The following MPC2 variants were observed in gnomAD, a reference collection of about 807,000 sequenced individuals.
MPC2 encodes the protein mitochondrial pyruvate carrier 2.
MPC2 carries 19 observed loss-of-function variants against 19.2 expected under a neutral mutation model. The ratio of observed to expected loss-of-function variants is 0.99; its 90% CI spans 0.69 to 1.45. MPC2 has a LOEUF of 1.45. MPC2 is among the 40% of genes most tolerant of loss of function. The pLI is 0.00. For missense variants in MPC2, 122 were observed against 153.0 expected (o/e 0.80, Z 1.07); for synonymous variants, 61 against 54.3 (o/e 1.12, Z -0.54).
chr1:167,918,028 G>A lies in MPC2; in HGVS notation c.*295C>T, dbSNP rs1670504806. On this transcript the variant is annotated 3_prime_UTR_variant, in exon 6 of 6. Coordinates refer to ENST00000271373, the MANE Select transcript of MPC2 (RefSeq NM_001143674.4). ...TTCTTGAATTTGTGTGTTCTTTTAT[G>A]TACATATGTTGGCTGACTGGAACAG... 4 of 252,532 alleles carry A rather than the reference G, an allele frequency of 1.6e-5. No homozygotes were observed. The highest frequency in any genetic ancestry group is 1.6e-4 in the East Asian group (2 of 12,782). The allele number at this position is 252,532 out of a possible 1,614,324, so 15.6% of individuals were successfully genotyped here.
At chr1:167,925,873 A>G (rs1670745245) in intron 2 of MPC2, among the ~76,000 whole-genome samples, 1 of 152,232 alleles carries the variant, frequency 6.6e-6, no homozygotes, top group East Asian at 1.9e-4. Context: ...GTACTTTAAA[A>G]TCATAAGTTG....
chr1:167,930,537 T>G (rs1277850512), intron 2 of MPC2, among the ~76,000 whole-genome samples: 1 of 152,244 alleles, frequency 6.6e-6, no homozygotes, highest in African/African-American at 2.4e-5. Context: ...TCCTGAAGGT[T>G]CTGAATGTAA....
Position 167,920,089 on chromosome 1 carries a change from C to A in MPC2, c.237G>T (p.Gly79=). The change falls in exon 5 of 6, where the codon GGG becomes GGT. Residue 79 remains glycine, a splice_region_variant and synonymous_variant. Coordinates refer to ENST00000271373, the MANE Select transcript of MPC2 (RefSeq NM_001143674.4). ...CAAGTGAGTATCTTGACCAAATAAA[C>A]CCTGTTGAAACAAAATGTTACTTTA... The part of the protein sequence containing the change: ...TAQSAVLMAT[G]FIWSRYSLVI... The A allele has an allele frequency of 6.3e-7, 1 of 1,594,890 alleles. No homozygotes were observed. The highest frequency in any genetic ancestry group is 8.6e-7 in the Non-Finnish European group (1 of 1,166,766).
intron 2 of MPC2, among the ~76,000 whole-genome samples, chr1:167,925,546 G>GT (rs1557854280): frequency 7.9e-5 from 8 of 101,826 alleles, no homozygotes; most frequent in Admixed American, 2.1e-4. Context: ...TTTTTTTTTG[G>GT]TTTTTTTTGT....
chr1:167,925,707 C>T (rs947072476), intron 2 of MPC2, among the ~76,000 whole-genome samples: 4 of 151,336 alleles, frequency 2.6e-5, no homozygotes, highest in Admixed American at 6.6e-5. Flanking sequence ...CCACCACACC[C>T]GGCTAATTTT....
chr1:167,936,667 A>C, intron 1 of MPC2: 1 of 444,366 alleles, frequency 2.3e-6, no homozygotes. Context: ...GAGGGAGGAG[A>C]CTGTTGCTGA....
At chr1:167,923,834 G>T (rs1670664314) in intron 3 of MPC2, among the ~76,000 whole-genome samples, 1 of 152,090 alleles carries the variant, frequency 6.6e-6, no homozygotes, top group South Asian at 2.1e-4. Context: ...CTGTGATGGG[G>T]CCTAACAAGT....
At chr1:167,918,934 G>A (rs1236420381) in intron 5 of MPC2, among the ~76,000 whole-genome samples, 2 of 151,980 alleles carry the variant, frequency 1.3e-5, no homozygotes, top group East Asian at 3.9e-4. Flanking sequence ...ATAGTTTCCT[G>A]TGCAAAAGTA....
At chr1:167,936,102 C>A (rs1345614050) in intron 1 of MPC2, 2 of 543,940 alleles carry the variant, frequency 3.7e-6, no homozygotes, top group Non-Finnish European at 6.7e-6. Context: ...AGGGAGGAGC[C>A]ATGGCAACAG....
intron 2 of MPC2, among the ~76,000 whole-genome samples, chr1:167,925,504 T>C (rs372465656): frequency 9.9e-5 from 14 of 141,936 alleles, no homozygotes; most frequent in East Asian, 4.1e-4. Context: ...CATATATATA[T>C]ACACATACAA....
In MPC2 at chr1:167,918,164, T is replaced by A; in HGVS notation, c.*159A>T. On this transcript the variant is annotated 3_prime_UTR_variant, in exon 6 of 6. Coordinates refer to ENST00000271373, the MANE Select transcript of MPC2 (RefSeq NM_001143674.4). The stretch of plus-strand genomic sequence containing the variant: ...CTTAAGTCATGTAGAGAGACTGTTA[T>A]TAAAAGTTTGCTGCATTTTTCTATT... 1 of 562,238 alleles carries A rather than the reference T, an allele frequency of 1.8e-6. No homozygotes were observed. Among genetic ancestry groups the A allele is most frequent in the South Asian group, 2.5e-5 (1 of 39,358 alleles). The allele number at this position is 562,238 out of a possible 1,614,324, so 34.8% of individuals were successfully genotyped here.
Position 167,920,032 on chromosome 1 carries a change from A to T in MPC2, c.294T>A (p.Ala98=), listed in dbSNP as rs1204628754. 6.2e-7 allele frequency: 1 copy of T among 1,613,804 alleles called. No individual in the cohort carries two copies. The highest frequency in any genetic ancestry group is 1.7e-5 in the Admixed American group (1 of 59,962). Residue 98 remains alanine (A), a synonymous_variant, in exon 5 of 6, where the codon GCT becomes GCA. Transcript: ENST00000271373. ...CTGCTGCCCCCACAAAGAAATTAAC[A>T]GCAAACAGACTCCAATTTTTTGGAA... The part of the protein sequence containing the change: ...VIIPKNWSLF[A]VNFFVGAAGA...
At chr1:167,924,070 T>G (rs1670671045) in intron 3 of MPC2, among the ~76,000 whole-genome samples, 1 of 152,236 alleles carries the variant, frequency 6.6e-6, no homozygotes, top group Admixed American at 6.5e-5. Flanking sequence ...CAAATGCTAA[T>G]ATTTATATTC....
chr1:167,923,750 T>C (rs6427116), intron 3 of MPC2, among the ~76,000 whole-genome samples: 22,431 of 151,322 alleles, frequency 0.15, 2,236 homozygotes, highest in African/African-American at 0.28. Context: ...TAGAGGGCAT[T>C]AGAGAATCAT....
intron 2 of MPC2, among the ~76,000 whole-genome samples, chr1:167,925,217 A>G (rs1670702997): frequency 6.6e-6 from 1 of 151,930 alleles, no homozygotes; most frequent in South Asian, 2.1e-4. Context: ...TACATTTTAC[A>G]TATTTTACTC....
intron 2 of MPC2, among the ~76,000 whole-genome samples, chr1:167,927,169 T>G (rs1670783851): frequency 6.6e-6 from 1 of 152,228 alleles, no homozygotes; most frequent in South Asian, 2.1e-4. Flanking sequence ...CACTGCTTCA[T>G]CCTCAAGGCT....
At position 167,935,621 on chromosome 1, in the gene MPC2, G is replaced by A. The variant is rs1671107426; in HGVS notation, c.109+112C>T. 6.2e-6 allele frequency: 5 copies of A among 810,686 alleles called. No individual in the cohort carries two copies. The South Asian group carries it at 7.8e-5, about 13-fold the overall frequency. The allele number at this position is 810,686 out of a possible 1,614,324, so 50.2% of individuals were successfully genotyped here. A position where few individuals can be genotyped will look rare whatever the true frequency, so the allele number is the denominator to read the frequency against. On this transcript the variant is annotated intron_variant, in intron 2 of 5. Transcript: ENST00000271373. ...GTAGACGGCTTCACTTGAAGGGAAG[G>A]GATTGGGGCTGTGGATGCCTCTAGA...
Position 167,935,774 on chromosome 1 carries a change from A to C in MPC2, c.68T>G (p.Met23Arg). The change falls in exon 2 of 6, where the codon ATG becomes AGG. Residue 23 changes from methionine to arginine, a missense_variant. Met to Arg is a moderately conservative substitution (Grantham distance 91). Coordinates refer to ENST00000271373, the MANE Select transcript of MPC2 (RefSeq NM_001143674.4). ...CAACGGCCTCAATTTCTCGGGCAGC[A>C]TCAGCTCCACTTTATCGAGGAGCCG... ...YHRLLDKVEL[M>R]LPEKLRPLYN... 1 of 1,565,358 alleles carries C rather than the reference A, an allele frequency of 6.4e-7. No individual in the cohort carries two copies. Among genetic ancestry groups the C allele is most frequent in the Non-Finnish European group, 8.7e-7 (1 of 1,154,860 alleles).
chr1:167,927,566 G>T (rs1396509612), intron 2 of MPC2, among the ~76,000 whole-genome samples: 1 of 152,170 alleles, frequency 6.6e-6, no homozygotes. Context: ...GACTTCTCTT[G>T]TTCTATTTGA....
Sources: gnomAD v4.1 joint callset for allele counts (sites outside exome capture counted in the v4.1 genomes callset) on GRCh38, gnomAD v4.1.1 for gene constraint, MANE v1.5 for transcripts, NCBI Gene and HGNC (gene_info 2026-07-23, HGNC 2026-07-21) for gene names.